SLC8A1: variants seen among roughly 807,000 people sequenced by gnomAD.
SLC8A1 encodes the protein solute carrier family 8 member A1.
SLC8A1 carries 18 observed loss-of-function variants against 68.3 expected under a neutral mutation model. The observed-to-expected ratio is 0.26, with a 90% CI of 0.18 to 0.39. SLC8A1 has a LOEUF of 0.39. Ranked by LOEUF, SLC8A1 falls within the 10% of genes least tolerant of loss-of-function variation. SLC8A1 has a pLI of 1.00. For synonymous variants in SLC8A1, 475 were observed against 415.5 expected, an observed-to-expected ratio of 1.14 and a Z score of -1.74; for missense variants, 985 against 1,156.7, an observed-to-expected ratio of 0.85 and a Z score of 2.15.
At chr2:40,134,884 TA>T (rs1166947242) in intron 7 of SLC8A1, among the ~76,000 whole-genome samples, 4 of 151,942 alleles carry the variant, frequency 2.6e-5, no homozygotes, top group African/African-American at 9.7e-5. Context: ...ATAAGTAAAC[TA>T]AAAAAATCCA....
At chr2:40,172,311 G>A (rs561360511) in intron 4 of SLC8A1, among the ~76,000 whole-genome samples, 11 of 152,194 alleles carry the variant, frequency 7.2e-5, no homozygotes, top group Non-Finnish European at 1.3e-4. Flanking sequence ...ACAGGCCAGT[G>A]TAGAAATTCC....
chr2:40,437,899 G>T (rs1236802802), intron 1 of SLC8A1, among the ~76,000 whole-genome samples: 1 of 152,076 alleles, frequency 6.6e-6, no homozygotes, highest in Non-Finnish European at 1.5e-5. Context: ...GTGGGGCACT[G>T]GCAGAATCAA....
chr2:40,193,115 T>C (rs2052213315), intron 2 of SLC8A1, among the ~76,000 whole-genome samples: 1 of 152,122 alleles, frequency 6.6e-6, no homozygotes, highest in Non-Finnish European at 1.5e-5. Flanking sequence ...CTTACATTTC[T>C]TAGTAAAAGG....
intron 2 of SLC8A1, among the ~76,000 whole-genome samples, chr2:40,253,040 A>AGCTATGTATATACATAT (rs1553453312): frequency 1.1e-5 from 1 of 87,724 alleles, no homozygotes; most frequent in Non-Finnish European, 2.5e-5. Flanking sequence ...CATATGTATC[A>AGCTATGTATATACATAT]GTATATGTAT....
intron 2 of SLC8A1, among the ~76,000 whole-genome samples, chr2:40,419,673 T>A (rs1256861001): frequency 6.6e-6 from 1 of 152,192 alleles, no homozygotes; most frequent in Non-Finnish European, 1.5e-5. Context: ...ATGGTTAGTG[T>A]GCAAGAAGGA....
At chr2:40,341,475 C>G (rs1464311584) in intron 2 of SLC8A1, among the ~76,000 whole-genome samples, 1 of 152,148 alleles carries the variant, frequency 6.6e-6, no homozygotes, top group Non-Finnish European at 1.5e-5. Context: ...GCAGGTTACT[C>G]TATAAAATGA....
chr2:40,152,978 A>G (rs2043739667), intron 6 of SLC8A1, among the ~76,000 whole-genome samples: 1 of 152,122 alleles, frequency 6.6e-6, no homozygotes, highest in South Asian at 2.1e-4. Context: ...ATCTTTTTTA[A>G]AAAAATAGAA....
Position 40,312,401 on chromosome 2 carries a change from C to T in SLC8A1, c.1808+116072G>A, listed in dbSNP as rs918954174. On this transcript the variant is annotated intron_variant, in intron 2 of 7. Coordinates refer to ENST00000406785, the Ensembl canonical transcript of SLC8A1. The stretch of plus-strand genomic sequence containing the variant: ...ATTAATGGTGCCACTTTGCTCATCA[C>T]ACATCTGCTAACAGTGGTCCAGGAA... 2.6e-5 allele frequency among the ~76,000 whole-genome samples: 4 copies of T among 152,084 alleles called. 1 individual carries two copies. The South Asian group carries it at 6.2e-4, about 24-fold the overall frequency.
chr2:40,214,679 C>T (rs1012411723), intron 2 of SLC8A1, among the ~76,000 whole-genome samples: 10 of 151,980 alleles, frequency 6.6e-5, no homozygotes, highest in African/African-American at 2.4e-4. Context: ...ACTTCCTGAT[C>T]CGCCTGCCTT....
intron 1 of SLC8A1, among the ~76,000 whole-genome samples, chr2:40,486,046 A>T (rs1211853225): frequency 6.6e-6 from 1 of 152,198 alleles, no homozygotes; most frequent in Non-Finnish European, 1.5e-5. Flanking sequence ...TAATTGAAAC[A>T]TGGGAGCAGT....
chr2:40,141,869 G>T (rs1037803427), intron 6 of SLC8A1, among the ~76,000 whole-genome samples: 2 of 152,214 alleles, frequency 1.3e-5, no homozygotes, highest in Non-Finnish European at 2.9e-5. Context: ...TACCAGGGAT[G>T]TGCGTGCACA....
chr2:40,482,908 A>G (rs985391790), intron 1 of SLC8A1, among the ~76,000 whole-genome samples: 8 of 146,762 alleles, frequency 5.5e-5, no homozygotes, highest in African/African-American at 2.0e-4. Flanking sequence ...CTCCCGCCTC[A>G]GCCTCCCGAG....
intron 2 of SLC8A1, among the ~76,000 whole-genome samples, chr2:40,400,666 T>C (rs1280129588): frequency 6.6e-6 from 1 of 151,974 alleles, no homozygotes; most frequent in East Asian, 1.9e-4. Context: ...AACTACCTCC[T>C]TCAGAGGGAA....
chr2:40,239,413 C>A (rs986920293), intron 2 of SLC8A1, among the ~76,000 whole-genome samples: 3 of 152,094 alleles, frequency 2.0e-5, no homozygotes, highest in Non-Finnish European at 4.4e-5. Flanking sequence ...AGATTTAGGG[C>A]TAGAATGTTT....
chr2:40,121,048 T>G (rs948353709), intron 7 of SLC8A1, among the ~76,000 whole-genome samples: 9 of 152,228 alleles, frequency 5.9e-5, no homozygotes, highest in Non-Finnish European at 1.3e-4. Flanking sequence ...TTTGACAGCC[T>G]GAAGCCATGG....
At chr2:40,279,930 T>C (rs1429300766) in intron 2 of SLC8A1, among the ~76,000 whole-genome samples, 3 of 152,228 alleles carry the variant, frequency 2.0e-5, no homozygotes, top group Non-Finnish European at 4.4e-5. Flanking sequence ...CTTTTAAAAA[T>C]TGTTCCCTGC....
At chr2:40,204,151 CA>C (rs2054931934) in intron 2 of SLC8A1, among the ~76,000 whole-genome samples, 1 of 152,016 alleles carries the variant, frequency 6.6e-6, no homozygotes, top group South Asian at 2.1e-4. Flanking sequence ...ACTTACTCTT[CA>C]GGAGGTATGC....
chr2:40,482,269 C>A (rs1422042497), intron 1 of SLC8A1, among the ~76,000 whole-genome samples: 1 of 152,168 alleles, frequency 6.6e-6, no homozygotes, highest in African/African-American at 2.4e-5. Context: ...TTCTAATTAA[C>A]TTTTCACACA....
chr2:40,294,333 C>T (rs533994311), intron 2 of SLC8A1, among the ~76,000 whole-genome samples: 3 of 151,978 alleles, frequency 2.0e-5, no homozygotes, highest in African/African-American at 7.2e-5. Context: ...CACATAATAA[C>T]TCAATTTGTC....
Sources: gnomAD v4.1 joint callset for allele counts (sites outside exome capture counted in the v4.1 genomes callset) on GRCh38, gnomAD v4.1.1 for gene constraint, MANE v1.5 for transcripts, NCBI Gene and HGNC (gene_info 2026-07-23, HGNC 2026-07-21) for gene names.